Variants in MYLK3 observed in about 807,000 individuals in gnomAD.
The protein encoded by MYLK3 is MLC kinase.
Under a neutral mutation model 76.3 loss-of-function variants are expected in MYLK3, and 55 were observed. The observed-to-expected ratio is 0.72, with a 90% CI of 0.58 to 0.90. The LOEUF is 0.90. Ranked by LOEUF, MYLK3 falls within the 40% of genes least tolerant of loss-of-function variation. MYLK3 has a pLI of 0.00. For missense variants in MYLK3, 973 were observed against 1,053.6 expected (o/e 0.92, Z 1.06); for synonymous variants, 416 against 425.4 (o/e 0.98, Z 0.27).
intron 9 of MYLK3, 119 bp downstream of exon 9, chr16:46,721,004 G>C: frequency 1.0e-5 from 9 of 884,340 alleles, no homozygotes; most frequent in Non-Finnish European, 1.7e-5. Flanking sequence ...CTGCACACAA[G>C]AGCTTTCTTG....
chr16:46,753,991 G>T (rs1967164897), intron 1 of MYLK3, among the ~76,000 whole-genome samples: 1 of 152,102 alleles, frequency 6.6e-6, no homozygotes, highest in South Asian at 2.1e-4. Context: ...AAAAGGAGAG[G>T]ATGCTATGGA....
chr16:46,756,201 C>T (rs759521503), intron 1 of MYLK3, among the ~76,000 whole-genome samples: 17 of 152,160 alleles, frequency 1.1e-4, no homozygotes, highest in Non-Finnish European at 2.1e-4. Context: ...TGAGCCACCT[C>T]GCCCAGCCCA....
At position 46,727,263 on chromosome 16, in the gene MYLK3, C is replaced by T; in HGVS notation, c.1887G>A (p.Gln629=). 6.2e-7 allele frequency: 1 copy of T among 1,614,060 alleles called. No individual in the cohort carries two copies. The highest frequency in any genetic ancestry group is 8.5e-7 in the Non-Finnish European group (1 of 1,179,908). ...QICEGVHYLH[Q]HYILHLDLKP... ...TGAGGTCCAGGTGCAGGATGTAGTG[C>T]TGGTGCAGGTAATGCACACCCTCAC... The change falls in exon 8 of 13, where the codon CAG becomes CAA. Residue 629 remains glutamine, a synonymous_variant. Coordinates refer to ENST00000394809, the MANE Select transcript of MYLK3 (RefSeq NM_182493.3).
intron 1 of MYLK3, among the ~76,000 whole-genome samples, chr16:46,761,177 G>C (rs1967271858): frequency 6.6e-6 from 1 of 152,198 alleles, no homozygotes; most frequent in Admixed American, 6.5e-5. Flanking sequence ...GTCACAGAGG[G>C]AGCAAAGCTC....
intron 10 of MYLK3, 130 bp downstream of exon 10, chr16:46,712,518 C>T: frequency 1.4e-6 from 1 of 740,326 alleles, no homozygotes; most frequent in Non-Finnish European, 2.0e-6. Context: ...CTACCCTATT[C>T]CTCTATTGGG....
At chr16:46,708,163 G>A (rs932430533) in intron 12 of MYLK3, among the ~76,000 whole-genome samples, 4 of 151,854 alleles carry the variant, frequency 2.6e-5, no homozygotes, top group African/African-American at 4.8e-5. Context: ...CCACCACCAC[G>A]ACCAGCTAAC....
intron 4 of MYLK3, among the ~76,000 whole-genome samples, chr16:46,731,732 C>T (rs1030557493): frequency 6.6e-6 from 1 of 152,170 alleles, no homozygotes; most frequent in African/African-American, 2.4e-5. Flanking sequence ...TTAACAGAGC[C>T]TTCTCTCTCT....
At chr16:46,754,972 C>G (rs182991917) in intron 1 of MYLK3, among the ~76,000 whole-genome samples, 1 of 151,488 alleles carries the variant, frequency 6.6e-6, no homozygotes, top group African/African-American at 2.4e-5. Flanking sequence ...TCTCGGCTCA[C>G]TGCTGCCTCA....
At position 46,748,263 on chromosome 16, in the gene MYLK3, G is replaced by T; in HGVS notation, c.-70C>A. ...GCACAGACCCCTGGTTCTCACTCAG[G>T]CGGTGGTGTCTGCAAGGTCATTGTC... On this transcript the variant is annotated 5_prime_UTR_variant, in exon 1 of 13. Transcript: ENST00000394809. This position sits in a 1 kb window ranked among gnomAD's most constrained non-coding sequence, Gnocchi z 4.3. 6.6e-7 allele frequency: 1 copy of T among 1,522,682 alleles called. No homozygotes were observed. The highest frequency in any genetic ancestry group is 8.8e-7 in the Non-Finnish European group (1 of 1,138,246). The allele number at this position is 1,522,682 out of a possible 1,614,324, so 94.3% of individuals were successfully genotyped here.
chr16:46,747,644 A>G lies in MYLK3; in HGVS notation c.477+73T>C, dbSNP rs1042469367. On this transcript the variant is annotated intron_variant, in intron 1 of 12. Coordinates refer to ENST00000394809, the MANE Select transcript of MYLK3 (RefSeq NM_182493.3). The stretch of plus-strand genomic sequence containing the variant: ...ACACCATGCCTCCAGCTCTCCAAAC[A>G]CTGGCTGCCTGGCCAGTCTCCCACC... 7 of 1,447,654 alleles carry G rather than the reference A, an allele frequency of 4.8e-6. No individual in the cohort carries two copies. In the African/African-American group the frequency reaches 5.6e-5, roughly 12 times the overall value. The allele number at this position is 1,447,654 out of a possible 1,614,324, so 89.7% of individuals were successfully genotyped here. A position where few individuals can be genotyped will look rare whatever the true frequency, so the allele number is the denominator to read the frequency against.
intron 1 of MYLK3, among the ~76,000 whole-genome samples, chr16:46,742,428 C>T (rs1966946462): frequency 7.0e-6 from 1 of 143,440 alleles, no homozygotes; most frequent in African/African-American, 2.6e-5. Flanking sequence ...TGGTGACAGG[C>T]ACCTGTAATC....
intron 11 of MYLK3, among the ~76,000 whole-genome samples, chr16:46,710,223 T>C (rs1236647973): frequency 6.6e-6 from 1 of 152,230 alleles, no homozygotes; most frequent in East Asian, 1.9e-4. Flanking sequence ...TTATTCTGAG[T>C]ATCAAAAAAC....
At chr16:46,744,939 A>C (rs1007069072) in intron 1 of MYLK3, among the ~76,000 whole-genome samples, 2 of 152,206 alleles carry the variant, frequency 1.3e-5, no homozygotes, top group African/African-American at 4.8e-5. Flanking sequence ...AAATGCTAAA[A>C]CATTTATGAA....
intron 3 of MYLK3, among the ~76,000 whole-genome samples, chr16:46,735,582 G>T (rs921131227): frequency 6.6e-6 from 1 of 152,202 alleles, no homozygotes; most frequent in Non-Finnish European, 1.5e-5. Context: ...CCGTGTCTGA[G>T]CTGCTGGACC....
chr16:46,743,585 C>A (rs946654426), intron 1 of MYLK3, among the ~76,000 whole-genome samples: 1 of 152,134 alleles, frequency 6.6e-6, no homozygotes, highest in African/African-American at 2.4e-5. Flanking sequence ...TATTAAACGC[C>A]AGGACCAGAG....
In MYLK3 at chr16:46,707,366, C is replaced by T. The variant is rs973743621; in HGVS notation, c.*338G>A. 5 of 200,222 alleles carry T rather than the reference C, an allele frequency of 2.5e-5. No individual in the cohort carries two copies. Among genetic ancestry groups the T allele is most frequent in the African/African-American group, 1.2e-4 (5 of 43,036 alleles). The allele number at this position is 200,222 out of a possible 1,614,324, so 12.4% of individuals were successfully genotyped here. A position where few individuals can be genotyped will look rare whatever the true frequency, so the allele number is the denominator to read the frequency against. ...AACATGGCCCCTGCAAAGTAGTCTA[C>T]TGAGTTCCTTAATCAGTGTGAGTTT... is the stretch of plus-strand genomic sequence containing the variant. On this transcript the variant is annotated 3_prime_UTR_variant, in exon 13 of 13. Transcript: ENST00000394809.
intron 1 of MYLK3, among the ~76,000 whole-genome samples, chr16:46,743,021 G>T (rs1030436567): frequency 6.6e-6 from 1 of 152,174 alleles, no homozygotes; most frequent in Non-Finnish European, 1.5e-5. Context: ...GTAGGCAGGC[G>T]CATGCGTACG....
chr16:46,761,880 T>C (rs1967279788), intron 1 of MYLK3, among the ~76,000 whole-genome samples: 1 of 148,562 alleles, frequency 6.7e-6, no homozygotes. Flanking sequence ...GCACTGCATG[T>C]AAGTCATGCC....
chr16:46,717,062 C>T (rs1202021677), intron 9 of MYLK3, among the ~76,000 whole-genome samples: 1 of 152,080 alleles, frequency 6.6e-6, no homozygotes, highest in African/African-American at 2.4e-5. Flanking sequence ...TTAAGCAAAC[C>T]CAAAGAGGGG....
Sources: gnomAD v4.1 joint callset for allele counts (sites outside exome capture counted in the v4.1 genomes callset) on GRCh38, gnomAD v4.1.1 for gene constraint, Gnocchi (gnomAD v3.1) non-coding constraint, MANE v1.5 for transcripts, NCBI Gene and HGNC (gene_info 2026-07-23, HGNC 2026-07-21) for gene names.